PARD3B: variants seen among roughly 807,000 people sequenced by gnomAD.
PARD3B encodes the protein partitioning defective 3 homolog B.
In PARD3B, 103 loss-of-function variants were observed where a neutral mutation model predicts 130.2. That is an observed-to-expected ratio of 0.79 (90% CI 0.67 to 0.93). The LOEUF is 0.93. Among genes scored for constraint, PARD3B ranks in the 40% least tolerant of loss-of-function variants. The pLI, the probability that PARD3B is intolerant of heterozygous loss-of-function variation, is 0.00. For synonymous variants in PARD3B, 583 were observed against 553.2 expected (o/e 1.05, Z -0.76); for missense variants, 1,609 against 1,499.2 (o/e 1.07, Z -1.21).
At chr2:204,671,153 T>C (rs950174055) in intron 1 of PARD3B, among the ~76,000 whole-genome samples, 14 of 152,144 alleles carry the variant, frequency 9.2e-5, no homozygotes, top group African/African-American at 3.1e-4. Flanking sequence ...CAGGAGTGAC[T>C]GGGAGGAGGG....
intron 2 of PARD3B, among the ~76,000 whole-genome samples, chr2:204,739,198 G>A (rs533509341): frequency 6.6e-6 from 1 of 152,288 alleles, no homozygotes; most frequent in South Asian, 2.1e-4. Flanking sequence ...TTAAATGTGT[G>A]TGTTGGTTTT....
At chr2:205,411,941 G>A (rs895598467) in intron 19 of PARD3B, among the ~76,000 whole-genome samples, 1 of 152,006 alleles carries the variant, frequency 6.6e-6, no homozygotes, top group African/African-American at 2.4e-5. Context: ...AAGTCCACAG[G>A]GCGTGTGACT....
chr2:205,017,099 C>T (rs1013597901), intron 3 of PARD3B, among the ~76,000 whole-genome samples: 6 of 151,942 alleles, frequency 3.9e-5, no homozygotes, highest in East Asian at 1.9e-4. Flanking sequence ...TATGGTTTGA[C>T]GAAAAACATA....
chr2:205,223,121 A>T (rs750246830), intron 15 of PARD3B, among the ~76,000 whole-genome samples: 43 of 152,192 alleles, frequency 2.8e-4, no homozygotes, highest in Non-Finnish European at 5.3e-4. Flanking sequence ...AACATGTGAG[A>T]TCAGCGGCAT....
intron 1 of PARD3B, among the ~76,000 whole-genome samples, chr2:204,633,957 C>A (rs1291609081): frequency 6.6e-6 from 1 of 151,936 alleles, no homozygotes; most frequent in Non-Finnish European, 1.5e-5. Context: ...GGTATGCATC[C>A]CTTCAGGCAC....
At chr2:205,129,187 C>T (rs867524662) in intron 10 of PARD3B, among the ~76,000 whole-genome samples, 51 of 152,306 alleles carry the variant, frequency 3.3e-4, no homozygotes, top group African/African-American at 1.1e-3. Flanking sequence ...GTCACCATAG[C>T]AAAGCAAGGG....
chr2:205,415,402 C>A (rs1417391139), intron 19 of PARD3B, among the ~76,000 whole-genome samples: 1 of 152,012 alleles, frequency 6.6e-6, no homozygotes, highest in East Asian at 1.9e-4. Flanking sequence ...GAACATTTTA[C>A]AAAATGTTAA....
chr2:204,745,169 A>G (rs2040163581), intron 2 of PARD3B, among the ~76,000 whole-genome samples: 1 of 152,126 alleles, frequency 6.6e-6, no homozygotes, highest in African/African-American at 2.4e-5. Context: ...TGTTGGAGGA[A>G]ATCCTGTTCT....
intron 20 of PARD3B, among the ~76,000 whole-genome samples, chr2:205,495,065 A>G (rs143157446): frequency 3.3e-3 from 497 of 152,294 alleles, no homozygotes; most frequent in African/African-American, 0.011. Flanking sequence ...AGTTGAGGTC[A>G]TTTTTAAGGC....
At chr2:205,480,694 C>G (rs967563670) in intron 20 of PARD3B, among the ~76,000 whole-genome samples, 1 of 152,164 alleles carries the variant, frequency 6.6e-6, no homozygotes, top group Non-Finnish European at 1.5e-5. Flanking sequence ...GTAAAACAGC[C>G]TGAACAGGAC....
chr2:204,883,821 C>G (rs1280275062), intron 2 of PARD3B, among the ~76,000 whole-genome samples: 1 of 151,208 alleles, frequency 6.6e-6, no homozygotes, highest in African/African-American at 2.4e-5. Flanking sequence ...CTCACTGCAA[C>G]CTCCACCTCT....
intron 4 of PARD3B, among the ~76,000 whole-genome samples, chr2:205,087,933 G>A (rs993624799): frequency 2.0e-5 from 3 of 152,254 alleles, no homozygotes; most frequent in East Asian, 3.9e-4. Context: ...AATACTTAAA[G>A]TGCATCTTCT....
At chr2:205,245,078 C>T (rs573631737) in intron 15 of PARD3B, among the ~76,000 whole-genome samples, 1 of 152,306 alleles carries the variant, frequency 6.6e-6, no homozygotes, top group East Asian at 1.9e-4. Flanking sequence ...CAACCTCTGT[C>T]TGCTTTGGCT....
intron 2 of PARD3B, among the ~76,000 whole-genome samples, chr2:204,803,054 A>T (rs1027976692): frequency 1.3e-5 from 2 of 150,124 alleles, no homozygotes; most frequent in Non-Finnish European, 3.0e-5. Context: ...AAGAAAATGC[A>T]GTTGTGCTCC....
At chr2:205,428,113 T>G (rs1424431369) in intron 19 of PARD3B, among the ~76,000 whole-genome samples, 2 of 152,020 alleles carry the variant, frequency 1.3e-5, no homozygotes, top group Non-Finnish European at 2.9e-5. Context: ...GCTGGGAGTG[T>G]GGCTCACACC....
rs1454897162 is a variant in PARD3B at position 205,253,474 on chromosome 2, G to A, written c.2185+7652G>A. ...ATCACCTTGTGGATGGATGCAAAGA[G>A]ACCAAACTTGGCGGGCACTGGAAGT... On this transcript the variant is annotated intron_variant, in intron 16 of 22. Coordinates refer to ENST00000406610, the MANE Select transcript of PARD3B (RefSeq NM_001302769.2). This position sits in a 1 kb window ranked among gnomAD's most constrained non-coding sequence, Gnocchi z 4.4. The A allele has an allele frequency of 2.5e-5, 14 of 559,796 alleles. No individual in the cohort carries two copies. The East Asian group carries it at 6.2e-4, about 25-fold the overall frequency. 34.7% of individuals were successfully genotyped at this position (559,796 alleles called of 1,614,324 possible).
chr2:205,302,065 C>CTTTTTTTTTTTTTTTTTTTTTTTTT (rs3048088), intron 18 of PARD3B, among the ~76,000 whole-genome samples: 13 of 77,776 alleles, frequency 1.7e-4, no homozygotes, highest in African/African-American at 3.2e-4. Context: ...TTTTTCTTTT[C>CTTTTTTTTTTTTTTTTTTTTTTTTT]TTTTTTTTTT....
chr2:204,964,627 G>T (rs1691063622), intron 2 of PARD3B, among the ~76,000 whole-genome samples: 1 of 152,084 alleles, frequency 6.6e-6, no homozygotes, highest in Admixed American at 6.6e-5. Context: ...AGCACAAATT[G>T]TATATAAGTA....
chr2:204,969,853 A>T (rs1441729729), intron 3 of PARD3B, among the ~76,000 whole-genome samples: 1 of 152,120 alleles, frequency 6.6e-6, no homozygotes, highest in East Asian at 1.9e-4. Context: ...GGTGGAGAAA[A>T]TGTCTTTTAA....
Sources: gnomAD v4.1 joint callset for allele counts (sites outside exome capture counted in the v4.1 genomes callset) on GRCh38, gnomAD v4.1.1 for gene constraint, Gnocchi (gnomAD v3.1) non-coding constraint, MANE v1.5 for transcripts, NCBI Gene and HGNC (gene_info 2026-07-23, HGNC 2026-07-21) for gene names.